Variants in VSNL1 observed in about 807,000 individuals in gnomAD.
The protein encoded by VSNL1 is visinin like 1.
In VSNL1, 6 loss-of-function variants were observed where a neutral mutation model predicts 20.4. That is an observed-to-expected ratio of 0.29 (90% CI 0.16 to 0.58). The LOEUF (loss-of-function observed/expected upper bound fraction) is 0.58, where lower values mean the gene tolerates loss of function less well. Among genes scored for constraint, VSNL1 ranks in the 20% least tolerant of loss-of-function variants. The pLI, the probability that VSNL1 is intolerant of heterozygous loss-of-function variation, is 0.90. For missense variants in VSNL1, 100 were observed against 234.5 expected (o/e 0.43, Z 3.75); for synonymous variants, 93 against 86.4 (o/e 1.08, Z -0.42).
intron 2 of VSNL1, among the ~76,000 whole-genome samples, chr2:17,612,083 C>T (rs920371030): frequency 6.6e-6 from 1 of 152,202 alleles, no homozygotes; most frequent in Non-Finnish European, 1.5e-5. Flanking sequence ...TGCTCTCACT[C>T]ACACACATGC....
rs149298584 is a variant in VSNL1, at chr2:17,558,084, C to T, written c.-6+17166C>T. On this transcript the variant is annotated intron_variant, in intron 1 of 3. Coordinates refer to ENST00000295156, the MANE Select transcript of VSNL1 (RefSeq NM_003385.5). ...ATGTCAAGACTAGGAATTAGATAGA[C>T]AAAGGGCAGAGGGAGTAGGAATGCT... 1.1e-4 allele frequency among the ~76,000 whole-genome samples: 16 copies of T among 152,208 alleles called. No individual in the cohort carries two copies. In the East Asian group the frequency reaches 1.9e-3, roughly 18 times the overall value.
At chr2:17,568,784 T>G (rs1664014891) in intron 1 of VSNL1, among the ~76,000 whole-genome samples, 1 of 152,344 alleles carries the variant, frequency 6.6e-6, no homozygotes, top group East Asian at 1.9e-4. Flanking sequence ...CTAATTTTTA[T>G]CCAGTTGAAA....
intron 2 of VSNL1, among the ~76,000 whole-genome samples, chr2:17,598,598 G>T (rs1185880850): frequency 6.6e-6 from 1 of 152,186 alleles, no homozygotes; most frequent in Non-Finnish European, 1.5e-5. Flanking sequence ...TCTTAACCTG[G>T]AAGTATGTTT....
chr2:17,556,559 T>C (rs1663682897), intron 1 of VSNL1, among the ~76,000 whole-genome samples: 3 of 152,126 alleles, frequency 2.0e-5, no homozygotes, highest in Non-Finnish European at 4.4e-5. Flanking sequence ...ACAGATTAGA[T>C]AGGATTGTGC....
intron 1 of VSNL1, among the ~76,000 whole-genome samples, chr2:17,561,164 G>A (rs1041754581): frequency 6.6e-6 from 1 of 152,140 alleles, no homozygotes. Context: ...ACAATAAACA[G>A]ATGATTAAAA....
At chr2:17,577,262 A>G (rs967968965) in intron 1 of VSNL1, among the ~76,000 whole-genome samples, 7 of 152,194 alleles carry the variant, frequency 4.6e-5, no homozygotes, top group Admixed American at 6.5e-5. Context: ...CCTTTTGTCT[A>G]TATTTTCAGT....
chr2:17,585,642 T>C (rs1409769425), intron 1 of VSNL1, among the ~76,000 whole-genome samples: 4 of 152,018 alleles, frequency 2.6e-5, no homozygotes, highest in African/African-American at 9.7e-5. Flanking sequence ...GATGGGCTTC[T>C]CATCCCAGCT....
In VSNL1 at chr2:17,649,644, T is replaced by C. The variant is rs112738449; in HGVS notation, c.378+19T>C. On this transcript the variant is annotated intron_variant, in intron 3 of 3. Coordinates refer to ENST00000295156, the MANE Select transcript of VSNL1 (RefSeq NM_003385.5). This position sits in a 1 kb window ranked among gnomAD's most constrained non-coding sequence, Gnocchi z 6.4. ...CATCGAGGTGAGGCCCGGGGTGTGGTTGGCGGGTGGTGGGCACAGAAGGAG... is the reference window on the plus strand; with the variant it reads ...CATCGAGGTGAGGCCCGGGGTGTGGCTGGCGGGTGGTGGGCACAGAAGGAG... 35 of 1,613,154 alleles carry C rather than the reference T, an allele frequency of 2.2e-5. No individual in the cohort carries two copies. Among genetic ancestry groups the C allele is most frequent in the African/African-American group, 1.5e-4 (11 of 74,966 alleles).
chr2:17,654,605 G>A (rs1261784088), intron 3 of VSNL1, among the ~76,000 whole-genome samples: 1 of 152,104 alleles, frequency 6.6e-6, no homozygotes, highest in East Asian at 1.9e-4. Flanking sequence ...ACTTCCTCCA[G>A]CCAAAAACCT....
chr2:17,543,777 G>A (rs945723928), intron 1 of VSNL1, among the ~76,000 whole-genome samples: 8 of 152,192 alleles, frequency 5.3e-5, no homozygotes, highest in African/African-American at 1.9e-4. Flanking sequence ...CTGGATGAGG[G>A]CTGCAAAGCA....
chr2:17,653,675 T>TA (rs1261538475), intron 3 of VSNL1, among the ~76,000 whole-genome samples: 3 of 152,256 alleles, frequency 2.0e-5, no homozygotes, highest in Admixed American at 2.0e-4. Context: ...TTTAACTTGT[T>TA]AAATAAAGCA....
At chr2:17,623,494 C>A (rs1046809550) in intron 2 of VSNL1, among the ~76,000 whole-genome samples, 2 of 151,714 alleles carry the variant, frequency 1.3e-5, no homozygotes, top group South Asian at 2.1e-4. Flanking sequence ...ACGGCGAAAC[C>A]CCGTCTCTAC....
At chr2:17,552,485 A>G (rs1182921221) in intron 1 of VSNL1, among the ~76,000 whole-genome samples, 2 of 152,168 alleles carry the variant, frequency 1.3e-5, no homozygotes, top group African/African-American at 2.4e-5. Context: ...GAAAGCGTAC[A>G]TATTTGGAGA....
At chr2:17,586,864 G>GA (rs1664487301) in intron 1 of VSNL1, among the ~76,000 whole-genome samples, 1 of 152,116 alleles carries the variant, frequency 6.6e-6, no homozygotes, top group Non-Finnish European at 1.5e-5. Context: ...ATAGATGGAG[G>GA]AAAAAAGCAC....
At chr2:17,619,448 C>T (rs927883754) in intron 2 of VSNL1, among the ~76,000 whole-genome samples, 44 of 152,028 alleles carry the variant, frequency 2.9e-4, no homozygotes, top group African/African-American at 1.0e-3. Flanking sequence ...CATTTTAGGG[C>T]ACATAACACA....
intron 2 of VSNL1, among the ~76,000 whole-genome samples, chr2:17,604,782 G>A (rs1664905621): frequency 6.6e-6 from 1 of 152,224 alleles, no homozygotes; most frequent in Non-Finnish European, 1.5e-5. Flanking sequence ...TTAGGGACCA[G>A]TGCAAGATGG....
chr2:17,549,987 T>G (rs1180935133), intron 1 of VSNL1, among the ~76,000 whole-genome samples: 1 of 152,232 alleles, frequency 6.6e-6, no homozygotes, highest in Non-Finnish European at 1.5e-5. Flanking sequence ...TCATAGTGTG[T>G]AGCTGTGGAA....
chr2:17,607,769 G>A (rs1664980310), intron 2 of VSNL1, among the ~76,000 whole-genome samples: 1 of 152,142 alleles, frequency 6.6e-6, no homozygotes, highest in Admixed American at 6.5e-5. Context: ...ATGAATAAAG[G>A]ACTCTGTTTC....
In VSNL1 at chr2:17,548,376, T is replaced by C. The variant is rs560316668; in HGVS notation, c.-6+7458T>C. The stretch of plus-strand genomic sequence containing the variant: ...ATCTGTAGATAAAAAAGGACATCTT[T>C]TTCTCTTTTTGAAGTCTACAAAACT... On this transcript the variant is annotated intron_variant, in intron 1 of 3. Transcript: ENST00000295156. 1.2e-3 allele frequency among the ~76,000 whole-genome samples: 179 copies of C among 152,272 alleles called. 1 individual carries two copies. The highest frequency in any genetic ancestry group is 4.2e-3 in the African/African-American group (174 of 41,564).
Sources: gnomAD v4.1 joint callset for allele counts (sites outside exome capture counted in the v4.1 genomes callset) on GRCh38, gnomAD v4.1.1 for gene constraint, Gnocchi (gnomAD v3.1) non-coding constraint, MANE v1.5 for transcripts, NCBI Gene and HGNC (gene_info 2026-07-23, HGNC 2026-07-21) for gene names.